Variants in VEGFB observed in about 807,000 individuals in gnomAD.
The protein encoded by VEGFB is vascular endothelial growth factor B.
In VEGFB, 24 loss-of-function variants were observed where a neutral mutation model predicts 22.5. The ratio of observed to expected loss-of-function variants is 1.07; its 90% CI spans 0.77 to 1.50. The LOEUF is 1.50. Ranked by LOEUF, VEGFB falls within the 40% of genes most tolerant of loss-of-function variation. VEGFB has a pLI of 0.00. For missense variants in VEGFB, 327 were observed against 287.8 expected (o/e 1.14, Z -0.99); for synonymous variants, 141 against 117.4 (o/e 1.20, Z -1.30).
At chr11:64,236,110 G>A in intron 3 of VEGFB, 101 bp downstream of exon 3, 1 of 1,522,116 alleles carries the variant, frequency 6.6e-7, no homozygotes, top group Middle Eastern at 1.7e-4. Context: ...GGGCAGCCTG[G>A]AGACTGATGC....
At chr11:64,235,670 C>T in intron 2 of VEGFB, 143 bp from the exon 3 acceptor site, 3 of 1,249,280 alleles carry the variant, frequency 2.4e-6, no homozygotes, top group African/African-American at 1.5e-5. Flanking sequence ...TCTGGATAAA[C>T]AGGGCAGGGG....
In VEGFB at chr11:64,237,179, C is replaced by G. The variant is rs200362857; in HGVS notation, c.375-8C>G. ...TGTTTGTCTGTGTCTGTCTATCTTA[C>G]TTTTCAGACCTAAAAAAAAGGACAG... On this transcript the variant is annotated splice_polypyrimidine_tract_variant and splice_region_variant and intron_variant, in intron 4 of 6. Transcript: ENST00000309422. The G allele has an allele frequency of 1.4e-5, 23 of 1,599,738 alleles. No homozygotes were observed. The highest frequency in any genetic ancestry group is 1.7e-4 in the Middle Eastern group (1 of 5,976).
Position 64,236,344 on chromosome 11 carries a change from A to G in VEGFB, c.374+17A>G, listed in dbSNP as rs778069369. 6.2e-7 allele frequency: 1 copy of G among 1,613,030 alleles called. No individual in the cohort carries two copies. The highest frequency in any genetic ancestry group is 1.1e-5 in the South Asian group (1 of 91,074). On this transcript the variant is annotated intron_variant, in intron 4 of 6. Transcript: ENST00000309422. Reference sequence around the variant, plus strand: ...TGAATGCAGGTGCCAGCCAGGCCCAACTTCTGAGCTCGCAGAGGCCAGGCT... The same window carrying G: ...TGAATGCAGGTGCCAGCCAGGCCCAGCTTCTGAGCTCGCAGAGGCCAGGCT...
chr11:64,235,939 G>T lies in VEGFB; in HGVS notation c.230G>T (p.Arg77Leu). 1 of 1,612,530 alleles carries T rather than the reference G, an allele frequency of 6.2e-7. No homozygotes were observed. Among genetic ancestry groups the T allele is most frequent in the Admixed American group, 1.7e-5 (1 of 59,904 alleles). ...QLVPSCVTVQ[R>L]CGGCCPDDGL... ...GTGCCCAGCTGCGTGACTGTGCAGC[G>T]CTGTGGTGGCTGCTGCCCTGACGAT... The change falls in exon 3 of 7, where the codon CGC becomes CTC. Residue 77 changes from arginine to leucine, a missense_variant. Physicochemically the swap from Arg to Leu is moderately radical, Grantham distance 102. Coordinates refer to ENST00000309422, the MANE Select transcript of VEGFB (RefSeq NM_003377.5).
chr11:64,238,609 C>T lies in VEGFB; in HGVS notation c.*276C>T. ...GAGACTGGGAGGCAGCAAGAGGGGT[C>T]ACATACCAGCTCAGGGGAGAATGGA... On this transcript the variant is annotated 3_prime_UTR_variant, in exon 7 of 7. Transcript: ENST00000309422. 3.3e-6 allele frequency: 2 copies of T among 599,680 alleles called. No homozygotes were observed. The highest frequency in any genetic ancestry group is 3.9e-5 in the South Asian group (2 of 50,724). 37.1% of individuals were successfully genotyped at this position (599,680 alleles called of 1,614,324 possible). A position where few individuals can be genotyped will look rare whatever the true frequency, so the allele number is the denominator to read the frequency against.
At chr11:64,236,101 G>A in intron 3 of VEGFB, 92 bp downstream of exon 3, 1 of 1,525,840 alleles carries the variant, frequency 6.6e-7, no homozygotes, top group Non-Finnish European at 8.8e-7. Context: ...CTGGGGCTGG[G>A]GCAGCCTGGA....
rs1565319179 is a variant in VEGFB at position 64,238,383 on chromosome 11, G to C, written c.*50G>C. On this transcript the variant is annotated 3_prime_UTR_variant, in exon 7 of 7. Coordinates refer to ENST00000309422, the MANE Select transcript of VEGFB (RefSeq NM_003377.5). Reference sequence around the variant, plus strand: ...GCCGGAAGCTGCGAAGGTGACACATGGCTTTTCAGACTCAGCAGGGTGACT... The same window carrying C: ...GCCGGAAGCTGCGAAGGTGACACATCGCTTTTCAGACTCAGCAGGGTGACT... 1 of 1,536,172 alleles carries C rather than the reference G, an allele frequency of 6.5e-7. No homozygotes were observed. The highest frequency in any genetic ancestry group is 1.2e-5 in the South Asian group (1 of 84,066).
At chr11:64,237,051 C>CT (rs1215434993) in intron 4 of VEGFB, 136 bp from the exon 5 acceptor site, 1 of 735,388 alleles carries the variant, frequency 1.4e-6, no homozygotes, top group African/African-American at 1.8e-5. Context: ...CCACTGCACT[C>CT]CAGCCTGGGC....
chr11:64,237,506 C>T lies in VEGFB; in HGVS notation c.497C>T (p.Thr166Ile). 6.2e-7 allele frequency: 1 copy of T among 1,612,262 alleles called. No homozygotes were observed. The highest frequency in any genetic ancestry group is 8.5e-7 in the Non-Finnish European group (1 of 1,179,914). The change falls in exon 6 of 7, where the codon ACC (threonine) becomes ATC (isoleucine). Residue 166 changes from threonine (T) to isoleucine (I), a missense_variant. Coordinates refer to ENST00000309422, the MANE Select transcript of VEGFB (RefSeq NM_003377.5). ...APGAPSPADI[T>I]HPTPAPGPSA... is the part of the protein sequence containing the mutation. The stretch of plus-strand genomic sequence containing the variant: ...GGAGCACCCTCCCCAGCTGACATCA[C>T]CCATCCCACTCCAGCCCCAGGCCCC...
In VEGFB at chr11:64,238,617, A is replaced by G. The variant is rs1338691689; in HGVS notation, c.*284A>G. 5.1e-6 allele frequency: 3 copies of G among 591,850 alleles called. No individual in the cohort carries two copies. The South Asian group carries it at 6.0e-5, about 12-fold the overall frequency. The allele number at this position is 591,850 out of a possible 1,614,324, so 36.7% of individuals were successfully genotyped here. On this transcript the variant is annotated 3_prime_UTR_variant, in exon 7 of 7. Coordinates refer to ENST00000309422, the MANE Select transcript of VEGFB (RefSeq NM_003377.5). ...GAGGCAGCAAGAGGGGTCACATACC[A>G]GCTCAGGGGAGAATGGAGTACTGTC...
In VEGFB at chr11:64,237,597, C is replaced by T. The variant is rs768144934; in HGVS notation, c.588C>T (p.Asp196=). ...CCGGACCTGCCGCTGCCGCTGCCGACGCCGCAGCTTCCTCCGTTGCCAAGG... is the reference window on the plus strand; with the variant it reads ...CCGGACCTGCCGCTGCCGCTGCCGATGCCGCAGCTTCCTCCGTTGCCAAGG... ...LTPGPAAAAA[D]AAASSVAKGG... The change falls in exon 6 of 7, where the codon GAC becomes GAT. Residue 196 remains aspartate, a synonymous_variant. Coordinates refer to ENST00000309422, the MANE Select transcript of VEGFB (RefSeq NM_003377.5). 148 of 1,590,474 alleles carry T rather than the reference C, an allele frequency of 9.3e-5. No homozygotes were observed. The highest frequency in any genetic ancestry group is 1.1e-4 in the Non-Finnish European group (130 of 1,173,130).
At position 64,235,750 on chromosome 11, in the gene VEGFB, C is replaced by T. The variant is rs949816062; in HGVS notation, c.104-63C>T. On this transcript the variant is annotated intron_variant, in intron 2 of 6. Coordinates refer to ENST00000309422, the MANE Select transcript of VEGFB (RefSeq NM_003377.5). ...GCTGTGACTTGGGGACTGGGGAGGACAGATGCTGGGAGCAGCTGCAGGAAA... is the reference window on the plus strand; with the variant it reads ...GCTGTGACTTGGGGACTGGGGAGGATAGATGCTGGGAGCAGCTGCAGGAAA... 4 of 1,589,296 alleles carry T rather than the reference C, an allele frequency of 2.5e-6. No homozygotes were observed. The African/African-American group carries it at 4.0e-5, about 16-fold the overall frequency.
intron 4 of VEGFB, among the ~76,000 whole-genome samples, chr11:64,236,861 C>T (rs1272395111): frequency 1.3e-5 from 2 of 149,386 alleles, no homozygotes; most frequent in Admixed American, 6.7e-5. Context: ...GGCAGATCAC[C>T]TGAGGTAAGG....
chr11:64,236,115 T>C, intron 3 of VEGFB, 106 bp downstream of exon 3: 1 of 1,522,758 alleles, frequency 6.6e-7, no homozygotes, highest in East Asian at 2.3e-5. Context: ...GCCTGGAGAC[T>C]GATGCACAGG....
chr11:64,235,389 C>T (rs1372524636), intron 1 of VEGFB, 69 bp from the exon 2 acceptor site: 4 of 1,477,562 alleles, frequency 2.7e-6, no homozygotes, highest in Non-Finnish European at 3.8e-6. Context: ...AGGGCAAAGC[C>T]CCAGGGACGG....
In VEGFB at chr11:64,234,762, G is replaced by T; in HGVS notation, c.-72G>T. The T allele has an allele frequency of 1.5e-6, 1 of 673,478 alleles. No homozygotes were observed. The highest frequency in any genetic ancestry group is 1.8e-6 in the Non-Finnish European group (1 of 547,224). The allele number at this position is 673,478 out of a possible 1,614,324, so 41.7% of individuals were successfully genotyped here. ...CCCGGGCCCGCGCCATGGGGCTCTG[G>T]CTGTCGCCGCCCCCCGCGCCGCCGG... is the stretch of plus-strand genomic sequence containing the variant. On this transcript the variant is annotated 5_prime_UTR_variant, in exon 1 of 7. Transcript: ENST00000309422. The surrounding 1 kb of genome is among the most constrained non-coding windows in gnomAD (Gnocchi z 5.3).
In VEGFB at chr11:64,234,808, C is replaced by G. The variant is rs907264027; in HGVS notation, c.-26C>G. ...GCCGGGCTAGGGCGATGCGGGCGCC[C>G]CCGGCGGGCGGCCCCGGCGGGCACC... On this transcript the variant is annotated 5_prime_UTR_variant, in exon 1 of 7. Coordinates refer to ENST00000309422, the MANE Select transcript of VEGFB (RefSeq NM_003377.5). This position sits in a 1 kb window ranked among gnomAD's most constrained non-coding sequence, Gnocchi z 5.3. The G allele has an allele frequency of 1.8e-6, 2 of 1,133,078 alleles. No individual in the cohort carries two copies. The highest frequency in any genetic ancestry group is 3.3e-5 in the African/African-American group (2 of 60,426). The allele number at this position is 1,133,078 out of a possible 1,614,324, so 70.2% of individuals were successfully genotyped here.
At chr11:64,236,768 G>A (rs1458644533) in intron 4 of VEGFB, among the ~76,000 whole-genome samples, 2 of 138,166 alleles carry the variant, frequency 1.4e-5, no homozygotes, top group Admixed American at 1.5e-4. Context: ...GGTAGGCCTT[G>A]GATCTGGGGC....
In VEGFB at chr11:64,236,050, T is replaced by TGGGCAGGTGGGGCAGC. The variant is rs1439799118; in HGVS notation, c.300+49_300+64dup. 11 of 1,550,916 alleles carry TGGGCAGGTGGGGCAGC rather than the reference T, an allele frequency of 7.1e-6. No homozygotes were observed. In the Admixed American group the frequency reaches 2.1e-4, roughly 30 times the overall value. On this transcript the variant is annotated intron_variant, in intron 3 of 6. Transcript: ENST00000309422. ...GGCAACGGGCAGGGGATGCAGGTAC[T>TGGGCAGGTGGGGCAGC]GGGCAGGTGGGGCAGCGGGCAGGGT... is the stretch of plus-strand genomic sequence containing the variant.
Sources: allele counts gnomAD v4.1 joint callset (sites outside exome capture counted in the v4.1 genomes callset), GRCh38; gene constraint gnomAD v4.1.1; non-coding constraint Gnocchi (gnomAD v3.1); transcripts MANE v1.5; gene names NCBI Gene and HGNC (gene_info 2026-07-23, HGNC 2026-07-21).